The following RUBCN variants were observed in gnomAD, a reference collection of about 807,000 sequenced individuals.
RUBCN encodes rubicon autophagy regulator.
In RUBCN, 74 loss-of-function variants were observed where a neutral mutation model predicts 113.2. The ratio of observed to expected loss-of-function variants is 0.65; its 90% CI spans 0.54 to 0.79. RUBCN has a LOEUF of 0.79. Ranked by LOEUF, RUBCN falls within the 30% of genes least tolerant of loss-of-function variation. The pLI is 0.00. For synonymous variants in RUBCN, 480 were observed against 490.0 expected, an observed-to-expected ratio of 0.98 and a Z score of 0.27; for missense variants, 1,109 against 1,251.7, an observed-to-expected ratio of 0.89 and a Z score of 1.72.
In RUBCN at chr3:197,733,993, C is replaced by T. The variant is rs150561137; in HGVS notation, c.65+2662G>A. Among the ~76,000 whole-genome samples, 574 of 152,220 alleles carry T rather than the reference C, an allele frequency of 3.8e-3. 1 individual carries two copies. Among genetic ancestry groups the T allele is most frequent in the African/African-American group, 8.1e-3 (335 of 41,542 alleles). On this transcript the variant is annotated intron_variant, in intron 1 of 19. Transcript: ENST00000296343. ...GACTCGGGCCGGGCACGGTGGTTCA[C>T]GCTTGTAATCCCAGCACTTTGGGAG... is the stretch of plus-strand genomic sequence containing the variant.
chr3:197,693,315 A>G (rs1447457837), intron 11 of RUBCN, among the ~76,000 whole-genome samples: 1 of 152,144 alleles, frequency 6.6e-6, no homozygotes, highest in Admixed American at 6.5e-5. Context: ...CCTGCCCCCA[A>G]TGATTCTTTT....
rs1178828490 is a variant in RUBCN at position 197,672,490 on chromosome 3, C to G, written c.*2528G>C. ...CGGCATCGTGTCAGAGTCACTAAAA[C>G]AGACGCACGATCTAAAGGGATGGGG... On this transcript the variant is annotated 3_prime_UTR_variant, in exon 20 of 20. Coordinates refer to ENST00000296343, the MANE Select transcript of RUBCN (RefSeq NM_014687.4). 1 of 152,188 alleles carries G rather than the reference C, an allele frequency of 6.6e-6. No individual in the cohort carries two copies. The highest frequency in any genetic ancestry group is 1.5e-5 in the Non-Finnish European group (1 of 68,044). 9.4% of individuals were successfully genotyped at this position (152,188 alleles called of 1,614,324 possible).
rs573299633 is a variant in RUBCN, at chr3:197,733,972, C to T, written c.65+2683G>A. 5.3e-5 allele frequency among the ~76,000 whole-genome samples: 8 copies of T among 151,952 alleles called. No homozygotes were observed. In the East Asian group the frequency reaches 9.6e-4, roughly 18 times the overall value. ...AGGGTGAGTATTAAAAGTACAGACT[C>T]GGGCCGGGCACGGTGGTTCACGCTT... On this transcript the variant is annotated intron_variant, in intron 1 of 19. Coordinates refer to ENST00000296343, the MANE Select transcript of RUBCN (RefSeq NM_014687.4).
rs1218694713 is a variant in RUBCN at position 197,695,950 on chromosome 3, G to T, written c.1389C>A (p.Gly463=). The change falls in exon 9 of 20, where the codon GGC becomes GGA. Residue 463 remains glycine, a synonymous_variant. Coordinates refer to ENST00000296343, the MANE Select transcript of RUBCN (RefSeq NM_014687.4). The part of the protein sequence containing the change: ...EGGRYLCSGE[G]MFRRPSEGQS... ...GTCCTTCTGATGGTCTTCGGAACAT[G>T]CCTTCCCCTGAGCACAGGTACCGAC... 6.2e-7 allele frequency: 1 copy of T among 1,614,148 alleles called. No homozygotes were observed. The highest frequency in any genetic ancestry group is 8.5e-7 in the Non-Finnish European group (1 of 1,180,008).
rs73087562 is a variant in RUBCN at position 197,681,063 on chromosome 3, G to T, written c.2430+66C>A. The T allele has an allele frequency of 6.2e-3, 5,097 of 823,324 alleles. 42 individuals are homozygous for T. Among genetic ancestry groups the T allele is most frequent in the African/African-American group, 0.033 (1,555 of 47,274 alleles). 51.0% of individuals were successfully genotyped at this position (823,324 alleles called of 1,614,324 possible). ...GGATGGGGGGAGGGGACGGGGGAGGGACGAGGGGAGGGGATGAGGGGAGGA... is the reference window on the plus strand; with the variant it reads ...GGATGGGGGGAGGGGACGGGGGAGGTACGAGGGGAGGGGATGAGGGGAGGA... On this transcript the variant is annotated intron_variant, in intron 16 of 19. Coordinates refer to ENST00000296343, the MANE Select transcript of RUBCN (RefSeq NM_014687.4). The surrounding 1 kb of genome is among the most constrained non-coding windows in gnomAD (Gnocchi z 5.5).
Position 197,670,088 on chromosome 3 carries a change from C to A in RUBCN, c.*4930G>T, listed in dbSNP as rs1380428597. Among the ~76,000 whole-genome samples the A allele has an allele frequency of 6.6e-6, 1 of 152,154 alleles. No individual in the cohort carries two copies. Among genetic ancestry groups the A allele is most frequent in the African/African-American group, 2.4e-5 (1 of 41,438 alleles). ...ATTTTTAGTAGAGACAAGGTTTCAC[C>A]ATGTTGGCCAGGATGGTCCCAATCT... On this transcript the variant is annotated 3_prime_UTR_variant, in exon 20 of 20. Transcript: ENST00000296343.
chr3:197,681,235 T>C lies in RUBCN; in HGVS notation c.2324A>G (p.Asn775Ser). The change falls in exon 16 of 20, where the codon AAC (asparagine) becomes AGC (serine). Residue 775 changes from asparagine to serine, a missense_variant. Physicochemically the swap from Asn to Ser is conservative, Grantham distance 46. Around this residue, in one of 3 missense-constraint regions of RUBCN, gnomAD observed 306 missense variants for 348.9 expected, o/e 0.88. Coordinates refer to ENST00000296343, the MANE Select transcript of RUBCN (RefSeq NM_014687.4). This position sits in a 1 kb window ranked among gnomAD's most constrained non-coding sequence, Gnocchi z 5.5. ...CTTAATGAGCAGGTCCTTGGAGAAGTTGCTGACGTAGTACTTGCTGAAGTC... is the reference window on the plus strand; with the variant it reads ...CTTAATGAGCAGGTCCTTGGAGAAGCTGCTGACGTAGTACTTGCTGAAGTC... ...KWDFSKYYVS[N>S]FSKDLLIKIW... The C allele has an allele frequency of 6.2e-7, 1 of 1,613,954 alleles. No homozygotes were observed. Among genetic ancestry groups the C allele is most frequent in the Non-Finnish European group, 8.5e-7 (1 of 1,179,978 alleles).
chr3:197,694,583 C>A lies in RUBCN; in HGVS notation c.1476G>T (p.Glu492Asp). Residue 492 changes from glutamate (E) to aspartate (D), a missense_variant and splice_region_variant, in exon 10 of 20, where the codon GAG becomes GAT. By Grantham distance (45) the Glu-to-Asp change is conservative. Coordinates refer to ENST00000296343, the MANE Select transcript of RUBCN (RefSeq NM_014687.4). ...ACTCTGAGATGCTGAAGTGGGCATTCTCCTGGCGGAAGGAGAGCACCAAAC... is the reference window on the plus strand; with the variant it reads ...ACTCTGAGATGCTGAAGTGGGCATTATCCTGGCGGAAGGAGAGCACCAAAC... ...DFGSCADLEK[E>D]NAHFSISESL... 1 of 1,614,006 alleles carries A rather than the reference C, an allele frequency of 6.2e-7. No homozygotes were observed. Among genetic ancestry groups the A allele is most frequent in the South Asian group, 1.1e-5 (1 of 91,080 alleles).
chr3:197,702,096 T>C (rs1723743942), intron 5 of RUBCN, among the ~76,000 whole-genome samples: 1 of 152,174 alleles, frequency 6.6e-6, no homozygotes, highest in African/African-American at 2.4e-5. Context: ...CCAGGAGTAC[T>C]TTATTACAGA....
At chr3:197,689,540 A>G (rs1722200121) in intron 11 of RUBCN, among the ~76,000 whole-genome samples, 1 of 152,184 alleles carries the variant, frequency 6.6e-6, no homozygotes, top group South Asian at 2.1e-4. Flanking sequence ...GACTGGGACT[A>G]AACACACCGG....
In RUBCN at chr3:197,703,561, A is replaced by G. The variant is rs1356287747; in HGVS notation, c.557T>C (p.Ile186Thr). 1.2e-6 allele frequency: 2 copies of G among 1,612,176 alleles called. No homozygotes were observed. The highest frequency in any genetic ancestry group is 3.3e-5 in the Admixed American group (2 of 60,000). ...TGTCCCCTGTACCATGGACGCATCG[A>G]TCTGAGCCAGGAGGCGGGGGTTGTT... ...EQNNPRLLAQIDASMFARKHE... is the reference protein window; with the variant it reads ...EQNNPRLLAQTDASMFARKHE... The change falls in exon 5 of 20, where the codon ATC becomes ACC. Residue 186 changes from isoleucine to threonine, a missense_variant. Ile to Thr is a moderately conservative substitution (Grantham distance 89, BLOSUM62 -1). This residue lies in a region of RUBCN where 736 missense variants were observed against 779.6 expected (regional missense o/e 0.94). Transcript: ENST00000296343.
intron 1 of RUBCN, among the ~76,000 whole-genome samples, chr3:197,734,144 C>T (rs1402733922): frequency 1.3e-5 from 2 of 151,398 alleles, no homozygotes; most frequent in African/African-American, 2.4e-5. Flanking sequence ...GTAATCCCAG[C>T]TACTTGGGAG....
At position 197,681,415 on chromosome 3, in the gene RUBCN, C is replaced by T. The variant is rs1721226653; in HGVS notation, c.2192-48G>A. The T allele has an allele frequency of 6.3e-6, 9 of 1,425,646 alleles. No homozygotes were observed. In the African/African-American group the frequency reaches 8.4e-5, roughly 13 times the overall value. The allele number at this position is 1,425,646 out of a possible 1,614,324, so 88.3% of individuals were successfully genotyped here. On this transcript the variant is annotated intron_variant, in intron 15 of 19. Coordinates refer to ENST00000296343, the MANE Select transcript of RUBCN (RefSeq NM_014687.4). The surrounding 1 kb of genome is among the most constrained non-coding windows in gnomAD (Gnocchi z 5.5). ...AAGCCAGATGTAACTTTCCCATCTACAAGCTGGGAAGGCAGCTCTGCTTTT... is the reference window on the plus strand; with the variant it reads ...AAGCCAGATGTAACTTTCCCATCTATAAGCTGGGAAGGCAGCTCTGCTTTT...
At chr3:197,715,134 A>G (rs1225608846) in intron 2 of RUBCN, among the ~76,000 whole-genome samples, 2 of 151,982 alleles carry the variant, frequency 1.3e-5, no homozygotes, top group Non-Finnish European at 2.9e-5. Flanking sequence ...TACTAAAAAC[A>G]CAAAACTGGC....
chr3:197,726,687 C>T (rs1348908210), intron 1 of RUBCN, among the ~76,000 whole-genome samples: 1 of 151,212 alleles, frequency 6.6e-6, no homozygotes, highest in African/African-American at 2.4e-5. Flanking sequence ...ATTACAGGCA[C>T]CCACCACCAA....
upstream of RUBCN, among the ~76,000 whole-genome samples, chr3:197,739,464 C>A (rs545707697): frequency 6.6e-6 from 1 of 150,446 alleles, no homozygotes; most frequent in East Asian, 2.0e-4. Flanking sequence ...GAGGTCAAGG[C>A]GGGCAGATCA....
intron 2 of RUBCN, among the ~76,000 whole-genome samples, chr3:197,714,841 A>C (rs1287648678): frequency 6.6e-6 from 1 of 152,158 alleles, no homozygotes; most frequent in African/African-American, 2.4e-5. Flanking sequence ...ACTAAACCCC[A>C]GTGACTCACT....
At chr3:197,699,339 T>G in intron 7 of RUBCN, 2 of 758,520 alleles carry the variant, frequency 2.6e-6, no homozygotes, top group Non-Finnish European at 2.2e-6. Context: ...GGGATGGAAC[T>G]CCCAAGAGGA....
intron 1 of RUBCN, among the ~76,000 whole-genome samples, chr3:197,730,541 C>T (rs2108996683): frequency 6.6e-6 from 1 of 151,606 alleles, no homozygotes; most frequent in East Asian, 1.9e-4. Context: ...CATATTTGGG[C>T]ATTTCTGAAG....
Sources: allele counts gnomAD v4.1 joint callset (sites outside exome capture counted in the v4.1 genomes callset), GRCh38; gene constraint gnomAD v4.1.1; regional missense constraint gnomAD v4.1.1; non-coding constraint Gnocchi (gnomAD v3.1); transcripts MANE v1.5; gene names NCBI Gene and HGNC (gene_info 2026-07-23, HGNC 2026-07-21).